The following SGCD variants were observed in gnomAD, a reference collection of about 807,000 sequenced individuals.
SGCD encodes the protein delta-sarcoglycan.
Under a neutral mutation model 36.6 loss-of-function variants are expected in SGCD, and 18 were observed. That is an observed-to-expected ratio of 0.49 (90% CI 0.34 to 0.73). The LOEUF (loss-of-function observed/expected upper bound fraction) is 0.73. Among genes scored for constraint, SGCD ranks in the 30% least tolerant of loss-of-function variants. The pLI, the probability that SGCD is intolerant of heterozygous loss-of-function variation, is 0.01. For synonymous variants in SGCD, 133 were observed against 130.6 expected (o/e 1.02, Z -0.12); for missense variants, 387 against 346.7 (o/e 1.12, Z -0.92).
intron 7 of SGCD, among the ~76,000 whole-genome samples, chr5:156,692,925 T>C (rs1010891858): frequency 6.6e-6 from 1 of 152,184 alleles, no homozygotes; most frequent in African/African-American, 2.4e-5. Context: ...CTTGCAATTA[T>C]TATGCACTAA....
intron 2 of SGCD, among the ~76,000 whole-genome samples, chr5:156,123,362 G>A (rs1205467503): frequency 1.3e-5 from 2 of 152,070 alleles, no homozygotes; most frequent in Admixed American, 6.6e-5. Context: ...TGCAATAGAG[G>A]TAGCCAAGAT....
At chr5:156,267,244 C>T (rs756942244) in intron 3 of SGCD, among the ~76,000 whole-genome samples, 8 of 152,108 alleles carry the variant, frequency 5.3e-5, no homozygotes, top group Non-Finnish European at 1.2e-4. Context: ...CTTAAGTCTT[C>T]CTGTTGTTGA....
chr5:156,180,574 G>T (rs1197041868), intron 3 of SGCD, among the ~76,000 whole-genome samples: 2 of 152,086 alleles, frequency 1.3e-5, no homozygotes, highest in African/African-American at 2.4e-5. Flanking sequence ...TAATGGAGGG[G>T]CCAGGGGAAA....
chr5:156,023,062 C>CCAT (rs1368932667), intron 1 of SGCD, among the ~76,000 whole-genome samples: 1 of 152,212 alleles, frequency 6.6e-6, no homozygotes, highest in African/African-American at 2.4e-5. Flanking sequence ...CATTATAACT[C>CCAT]CATGACCCAC....
the SGCD span, among the ~76,000 whole-genome samples, chr5:155,828,311 T>C: frequency 2.0e-5 from 3 of 152,174 alleles, no homozygotes; most frequent in Non-Finnish European, 4.4e-5. Context: ...ACTTAGCTAT[T>C]TGTGGTAAAG....
chr5:156,341,824 G>T (rs1768671958), intron 2 of SGCD, among the ~76,000 whole-genome samples: 1 of 152,194 alleles, frequency 6.6e-6, no homozygotes, highest in Admixed American at 6.5e-5. Flanking sequence ...AATTCTCCCT[G>T]CCTCAGCCTC....
intron 1 of SGCD, among the ~76,000 whole-genome samples, chr5:155,985,978 C>G (rs928113215): frequency 7.2e-5 from 11 of 152,090 alleles, no homozygotes; most frequent in Non-Finnish European, 1.0e-4. Context: ...TCCTGGTGGT[C>G]TAAAACTTTT....
At chr5:155,813,788 G>T in the SGCD span, among the ~76,000 whole-genome samples, 2 of 152,160 alleles carry the variant, frequency 1.3e-5, no homozygotes, top group African/African-American at 4.8e-5. Context: ...TCCTTTGAAT[G>T]TTAGTTGCAA....
intron 3 of SGCD, among the ~76,000 whole-genome samples, chr5:156,268,564 C>CTCCTTCCTTCCTTCCT (rs57057008): frequency 2.0e-5 from 3 of 149,460 alleles, no homozygotes; most frequent in African/African-American, 4.9e-5. Flanking sequence ...TTTTGATTTG[C>CTCCTTCCTTCCTTCCT]TCCTTCCTTC....
chr5:156,559,618 C>G (rs1236514887), intron 4 of SGCD, among the ~76,000 whole-genome samples: 1 of 152,158 alleles, frequency 6.6e-6, no homozygotes, highest in Non-Finnish European at 1.5e-5. Context: ...AACTTCTCCT[C>G]AGCTTCCTCA....
At chr5:156,138,039 A>G (rs1762497992) in intron 3 of SGCD, among the ~76,000 whole-genome samples, 2 of 152,154 alleles carry the variant, frequency 1.3e-5, no homozygotes, top group African/African-American at 2.4e-5. Context: ...TTCTCTCACC[A>G]TGAAGTTCAT....
At chr5:156,669,091 A>C (rs147216506) in intron 7 of SGCD, among the ~76,000 whole-genome samples, 105 of 152,264 alleles carry the variant, frequency 6.9e-4, no homozygotes, top group African/African-American at 2.3e-3. Context: ...CTGGTGGTGA[A>C]GGCCTCTAGA....
chr5:155,927,276 C>A (rs1340131789), intron 1 of SGCD, among the ~76,000 whole-genome samples: 2 of 152,096 alleles, frequency 1.3e-5, no homozygotes, highest in Non-Finnish European at 2.9e-5. Context: ...GAGCTATTAC[C>A]TGTGTTACAG....
At chr5:155,963,369 A>C (rs556157828) in intron 1 of SGCD, among the ~76,000 whole-genome samples, 8 of 152,144 alleles carry the variant, frequency 5.3e-5, no homozygotes, top group African/African-American at 1.9e-4. Flanking sequence ...ATATCTCCCC[A>C]TGTCACTTAC....
chr5:156,036,523 G>A (rs575777747), intron 1 of SGCD, among the ~76,000 whole-genome samples: 7 of 152,284 alleles, frequency 4.6e-5, no homozygotes, highest in African/African-American at 1.7e-4. Flanking sequence ...TCTGATGAGG[G>A]CCGAGGTTTC....
intron 7 of SGCD, among the ~76,000 whole-genome samples, chr5:156,717,117 C>CAAAT (rs1375826174): frequency 6.6e-6 from 1 of 152,118 alleles, no homozygotes; most frequent in Non-Finnish European, 1.5e-5. Context: ...AGATGGTGAG[C>CAAAT]AAATAATCAG....
intron 3 of SGCD, among the ~76,000 whole-genome samples, chr5:156,261,825 G>A (rs969139369): frequency 2.6e-5 from 4 of 152,086 alleles, no homozygotes; most frequent in African/African-American, 9.7e-5. Flanking sequence ...CTAGGCTAAT[G>A]TGTGTGTTTT....
rs528269262 is a variant in SGCD, at chr5:156,626,038, G to A, written c.503-21426G>A. Among the ~76,000 whole-genome samples, 14 of 152,126 alleles carry A rather than the reference G, an allele frequency of 9.2e-5. No individual in the cohort carries two copies. In the South Asian group the frequency reaches 2.9e-3, roughly 32 times the overall value. On this transcript the variant is annotated intron_variant, in intron 6 of 8. Transcript: ENST00000337851. ...AAACATCTTTGGCACAATTTGGTGG[G>A]GGTGGAGGTGGGGGGTTGCTACTGA...
At chr5:156,142,874 G>A (rs1198898078) in intron 3 of SGCD, among the ~76,000 whole-genome samples, 3 of 152,212 alleles carry the variant, frequency 2.0e-5, no homozygotes, top group African/African-American at 7.2e-5. Context: ...GCCTGACCCT[G>A]TAGTAGAAAA....
Sources: gnomAD v4.1 joint callset for allele counts (sites outside exome capture counted in the v4.1 genomes callset) on GRCh38, gnomAD v4.1.1 for gene constraint, MANE v1.5 for transcripts, NCBI Gene and HGNC (gene_info 2026-07-23, HGNC 2026-07-21) for gene names.